SOHLH1: variants seen among roughly 807,000 people sequenced by gnomAD.
The protein encoded by SOHLH1 is spermatogenesis and oogenesis specific basic helix-loop-helix 1.
Under a neutral mutation model 36.2 loss-of-function variants are expected in SOHLH1, and 23 were observed. The ratio of observed to expected loss-of-function variants is 0.64; its 90% CI spans 0.46 to 0.90. The LOEUF (loss-of-function observed/expected upper bound fraction) is 0.90, where lower values mean the gene tolerates loss of function less well. Ranked by LOEUF, SOHLH1 falls within the 40% of genes least tolerant of loss-of-function variation. The pLI is 0.00. For synonymous variants in SOHLH1, 289 were observed against 228.3 expected (o/e 1.27, Z -2.40); for missense variants, 608 against 517.0 (o/e 1.18, Z -1.71).
At chr9:135,701,964 A>G (rs554478380), upstream of SOHLH1, among the ~76,000 whole-genome samples, 1 of 152,078 alleles carries the variant, frequency 6.6e-6, no homozygotes, top group Admixed American at 6.5e-5. Context: ...TTTTCTAGCC[A>G]TTGACGAACC....
At chr9:135,697,400 A>G in intron 4 of SOHLH1, 106 bp downstream of exon 4, 1 of 1,518,446 alleles carries the variant, frequency 6.6e-7, no homozygotes, top group African/African-American at 1.4e-5. Flanking sequence ...GCGGAGGCCA[A>G]GCCGGGCCTC....
chr9:135,694,341 G>T (rs1588229117), intron 7 of SOHLH1, 46 bp downstream of exon 7: 2 of 1,612,066 alleles, frequency 1.2e-6, no homozygotes, highest in South Asian at 1.1e-5. Flanking sequence ...GCTCATATCA[G>T]GTGCTTACGC....
intron 3 of SOHLH1, among the ~76,000 whole-genome samples, 165 bp downstream of exon 3, chr9:135,698,164 G>C (rs943752554): frequency 5.3e-5 from 8 of 152,158 alleles, no homozygotes; most frequent in African/African-American, 1.9e-4. Context: ...GGTAAGGCTT[G>C]AACAAATCAG....
At chr9:135,701,958 C>G (rs969488182), upstream of SOHLH1, among the ~76,000 whole-genome samples, 1 of 148,690 alleles carries the variant, frequency 6.7e-6, no homozygotes, top group Non-Finnish European at 1.5e-5. Context: ...TTGGGCTTTT[C>G]TAGCCATTGA....
At chr9:135,694,570 C>A in intron 6 of SOHLH1, 113 bp from the exon 7 acceptor site, 1 of 1,433,750 alleles carries the variant, frequency 7.0e-7, no homozygotes, top group Non-Finnish European at 9.5e-7. Flanking sequence ...AAGATCTAGG[C>A]ACCACTCCTG....
rs1388875149 is a variant in SOHLH1, at chr9:135,696,722, AGGATGTGC to A, written c.543_550del (p.His182CysfsTer20). 6.2e-7 allele frequency: 1 copy of A among 1,613,056 alleles called. No homozygotes were observed. Among genetic ancestry groups the A allele is most frequent in the South Asian group, 1.1e-5 (1 of 91,086 alleles). On this transcript the variant is annotated frameshift_variant, in exon 5 of 8. Coordinates refer to ENST00000425225, the MANE Select transcript of SOHLH1 (RefSeq NM_001101677.2). LOFTEE classifies it high-confidence loss of function. ...GGGGTCCCACTGCCTGGAGGACGCA[AGGATGTGC>A]GGCACGGGCTCTGGGCTGGCCGACG...
chr9:135,699,268 A>C (rs1257813623), intron 1 of SOHLH1, 135 bp downstream of exon 1: 4 of 1,496,008 alleles, frequency 2.7e-6, no homozygotes, highest in African/African-American at 2.8e-5. Flanking sequence ...CCCTCTCTGC[A>C]CCCCTTCCCC....
chr9:135,698,295 C>T lies in SOHLH1; in HGVS notation c.345+34G>A, dbSNP rs181396888. On this transcript the variant is annotated intron_variant, in intron 3 of 7. Transcript: ENST00000425225. ...GTGAGATGTCCCATCACCGTGATGC[C>T]GGAGGACTGACGGCGTCTACCCTTA... 27 of 1,612,574 alleles carry T rather than the reference C, an allele frequency of 1.7e-5. No homozygotes were observed. In the Admixed American group the frequency reaches 1.8e-4, roughly 11 times the overall value.
chr9:135,693,413 T>C lies in SOHLH1; in HGVS notation c.*184A>G. ...TACACAGAAGCCACACAGGTTTTGC[T>C]TCCTCCAGGAAAACTGCTTTCCCTC... On this transcript the variant is annotated 3_prime_UTR_variant, in exon 8 of 8. Transcript: ENST00000425225. 1 of 837,088 alleles carries C rather than the reference T, an allele frequency of 1.2e-6. No individual in the cohort carries two copies. Among genetic ancestry groups the C allele is most frequent in the Non-Finnish European group, 1.8e-6 (1 of 563,162 alleles). The allele number at this position is 837,088 out of a possible 1,614,324, so 51.9% of individuals were successfully genotyped here. A position where few individuals can be genotyped will look rare whatever the true frequency, so the allele number is the denominator to read the frequency against.
At chr9:135,694,074 C>T (rs923908321) in intron 7 of SOHLH1, 30 of 1,427,820 alleles carry the variant, frequency 2.1e-5, no homozygotes, top group Non-Finnish European at 2.5e-5. Context: ...CAGGGCCATA[C>T]ACCTTTGCCG....
upstream of SOHLH1, chr9:135,699,653 C>T (rs951988237): frequency 4.5e-6 from 3 of 663,542 alleles, no homozygotes; most frequent in Non-Finnish European, 8.1e-6. Context: ...GCCCACGTGA[C>T]CCGCGTTCCT....
At chr9:135,694,734 C>T (rs1403666400) in intron 6 of SOHLH1, among the ~76,000 whole-genome samples, 2 of 152,014 alleles carry the variant, frequency 1.3e-5, no homozygotes, top group Non-Finnish European at 2.9e-5. Context: ...CCTCCCTCCC[C>T]CTCCCCTCCC....
intron 1 of SOHLH1, 27 bp downstream of exon 1, chr9:135,699,376 C>G (rs780215204): frequency 3.4e-5 from 55 of 1,603,858 alleles, no homozygotes; most frequent in Middle Eastern, 3.3e-4. Context: ...GGCCCCCAAC[C>G]CCTTGGCCGC....
In SOHLH1 at chr9:135,696,536, T is replaced by A. The variant is rs530808278; in HGVS notation, c.661+76A>T. 19 of 1,531,100 alleles carry A rather than the reference T, an allele frequency of 1.2e-5. No individual in the cohort carries two copies. The African/African-American group carries it at 2.3e-4, about 19-fold the overall frequency. The allele number at this position is 1,531,100 out of a possible 1,614,324, so 94.8% of individuals were successfully genotyped here. A position where few individuals can be genotyped will look rare whatever the true frequency, so the allele number is the denominator to read the frequency against. ...GAACCCCGTTTGCAAACAGCCCCCA[T>A]TGTTCTTAGGGCTAAAGCACAGCCT... On this transcript the variant is annotated intron_variant, in intron 5 of 7. Coordinates refer to ENST00000425225, the MANE Select transcript of SOHLH1 (RefSeq NM_001101677.2).
At chr9:135,700,058 G>T (rs1834979562), upstream of SOHLH1, among the ~76,000 whole-genome samples, 1 of 152,120 alleles carries the variant, frequency 6.6e-6, no homozygotes, top group African/African-American at 2.4e-5. Context: ...CAGAACCAGG[G>T]GCATCTTGTC....
At chr9:135,697,702 G>C (rs1200909387) in intron 3 of SOHLH1, 75 bp from the exon 4 acceptor site, 54 of 1,543,858 alleles carry the variant, frequency 3.5e-5, no homozygotes, top group Non-Finnish European at 4.3e-5. Context: ...TGACAAGACT[G>C]CTACCCCAGG....
In SOHLH1 at chr9:135,699,387, C is replaced by A. The variant is rs931305828; in HGVS notation, c.65+16G>T. The A allele has an allele frequency of 3.7e-6, 6 of 1,609,424 alleles. No homozygotes were observed. The African/African-American group carries it at 8.0e-5, about 21-fold the overall frequency. On this transcript the variant is annotated intron_variant, in intron 1 of 7. Transcript: ENST00000425225. The stretch of plus-strand genomic sequence containing the variant: ...CTTGGGCCCCCAACCCCTTGGCCGC[C>A]AGCCCAATTCCTCACTTGCATCCCC...
At chr9:135,699,484 A>G (rs367732304), upstream of SOHLH1, 6 of 1,610,494 alleles carry the variant, frequency 3.7e-6, no homozygotes, top group African/African-American at 8.0e-5. Flanking sequence ...GCAGCTGCGG[A>G]GCGACCCCAC....
upstream of SOHLH1, chr9:135,699,629 G>T (rs192752105): frequency 6.9e-6 from 5 of 721,646 alleles, no homozygotes; most frequent in African/African-American, 2.1e-5. Context: ...CCCTCCCCAC[G>T]CAGCCAGCCC....
Sources: allele counts gnomAD v4.1 joint callset (sites outside exome capture counted in the v4.1 genomes callset), GRCh38; gene constraint gnomAD v4.1.1; transcripts MANE v1.5; gene names NCBI Gene and HGNC (gene_info 2026-07-23, HGNC 2026-07-21).